The following SDC2 variants were observed in gnomAD, a reference collection of about 807,000 sequenced individuals.
The protein encoded by SDC2 is syndecan 2.
SDC2 carries 13 observed loss-of-function variants against 22.2 expected under a neutral mutation model. That is an observed-to-expected ratio of 0.59 (90% confidence interval 0.38 to 0.93). The LOEUF (loss-of-function observed/expected upper bound fraction) is 0.93, where lower values mean the gene tolerates loss of function less well. Ranked by LOEUF, SDC2 falls within the 40% of genes least tolerant of loss-of-function variation. The pLI, the probability that SDC2 is intolerant of heterozygous loss-of-function variation, is 0.00. For missense variants in SDC2, 235 were observed against 246.8 expected (o/e 0.95, Z 0.32); for synonymous variants, 94 against 92.8 (o/e 1.01, Z -0.07).
intron 1 of SDC2, among the ~76,000 whole-genome samples, chr8:96,519,777 G>T (rs999887493): frequency 1.3e-5 from 2 of 151,962 alleles, no homozygotes; most frequent in African/African-American, 2.4e-5. Flanking sequence ...GGGATTACAG[G>T]CGCGCACCTC....
chr8:96,592,460 G>C (rs1052724784), intron 1 of SDC2, among the ~76,000 whole-genome samples: 1 of 152,160 alleles, frequency 6.6e-6, no homozygotes, highest in Non-Finnish European at 1.5e-5. Flanking sequence ...AATGAGTGTT[G>C]CCTGTTTCCA....
chr8:96,591,525 AT>A (rs1471532130), intron 1 of SDC2, among the ~76,000 whole-genome samples: 2 of 152,198 alleles, frequency 1.3e-5, no homozygotes, highest in Non-Finnish European at 2.9e-5. Context: ...CATTCAAAAC[AT>A]GCCTTCAATG....
At chr8:96,559,227 G>A (rs1814169061) in intron 1 of SDC2, among the ~76,000 whole-genome samples, 1 of 152,302 alleles carries the variant, frequency 6.6e-6, no homozygotes, top group South Asian at 2.1e-4. Flanking sequence ...AGGCTTGAAT[G>A]TCCAAGGAGG....
intron 1 of SDC2, among the ~76,000 whole-genome samples, chr8:96,554,912 C>T (rs547327994): frequency 6.6e-6 from 1 of 152,288 alleles, no homozygotes; most frequent in Admixed American, 6.5e-5. Context: ...CTCCTCCCTC[C>T]AGGGGCCTTT....
chr8:96,585,636 C>T (rs1055546334), intron 1 of SDC2, among the ~76,000 whole-genome samples: 1 of 152,162 alleles, frequency 6.6e-6, no homozygotes, highest in Non-Finnish European at 1.5e-5. Flanking sequence ...TCTGGATCAT[C>T]ATATCTGAGA....
In SDC2 at chr8:96,518,858, A is replaced by G. The variant is rs180733667; in HGVS notation, c.60+24527A>G. On this transcript the variant is annotated intron_variant, in intron 1 of 4. Coordinates refer to ENST00000302190, the MANE Select transcript of SDC2 (RefSeq NM_002998.4). ...GTTTTAATCCGTTAAATTTTTTTGA[A>G]CTGACGTCTGGCACAGTCTTCAAGT... 3.3e-3 allele frequency among the ~76,000 whole-genome samples: 498 copies of G among 152,254 alleles called. 4 individuals carry two copies. Among genetic ancestry groups the G allele is most frequent in the Non-Finnish European group, 5.7e-3 (389 of 68,014 alleles).
intron 1 of SDC2, among the ~76,000 whole-genome samples, chr8:96,538,532 G>A (rs1335536595): frequency 1.3e-5 from 2 of 151,740 alleles, no homozygotes; most frequent in African/African-American, 4.8e-5. Context: ...TTTTTCCAGT[G>A]TTTCAAGGTC....
At chr8:96,510,113 A>G (rs2130438786) in intron 1 of SDC2, among the ~76,000 whole-genome samples, 1 of 152,306 alleles carries the variant, frequency 6.6e-6, no homozygotes, top group Non-Finnish European at 1.5e-5. Flanking sequence ...GTTACAGAAA[A>G]GCATGTTTGG....
chr8:96,564,171 T>C (rs1382333212), intron 1 of SDC2, among the ~76,000 whole-genome samples: 2 of 152,154 alleles, frequency 1.3e-5, no homozygotes, highest in African/African-American at 4.8e-5. Flanking sequence ...ATGGTTAAAT[T>C]TGGGAATTAA....
intron 3 of SDC2, among the ~76,000 whole-genome samples, chr8:96,603,569 T>A (rs1349921673): frequency 6.6e-6 from 1 of 152,206 alleles, no homozygotes; most frequent in Non-Finnish European, 1.5e-5. Flanking sequence ...GGCTGTTTGA[T>A]GAAGGTGGCG....
intron 1 of SDC2, among the ~76,000 whole-genome samples, chr8:96,511,558 A>G (rs1813328888): frequency 6.6e-6 from 1 of 152,224 alleles, no homozygotes; most frequent in Non-Finnish European, 1.5e-5. Flanking sequence ...GAGGTAGAAC[A>G]GCTGTTTTGG....
intron 1 of SDC2, among the ~76,000 whole-genome samples, chr8:96,551,145 T>C (rs749252543): frequency 7.9e-5 from 12 of 152,156 alleles, no homozygotes; most frequent in Non-Finnish European, 1.0e-4. Flanking sequence ...GGGGAGGATT[T>C]CTTTGACCCA....
rs1382501447 is a variant in SDC2 at position 96,576,377 on chromosome 8, TTG to T, written c.61-17101_61-17100del. ...CAATAATTGGTAGTTTGTTTTTGTT[TTG>T]TTTTGTTTTTTTTTACCAGATTTGC... is the stretch of plus-strand genomic sequence containing the variant. On this transcript the variant is annotated intron_variant, in intron 1 of 4. Transcript: ENST00000302190. 1.0e-3 allele frequency among the ~76,000 whole-genome samples: 69 copies of T among 65,792 alleles called. 6 individuals carry two copies. Among genetic ancestry groups the T allele is most frequent in the African/African-American group, 3.9e-3 (68 of 17,346 alleles). 43.2% of individuals were successfully genotyped at this position (65,792 alleles called of 152,430 possible). A position where few individuals can be genotyped will look rare whatever the true frequency, so the allele number is the denominator to read the frequency against.
chr8:96,580,030 G>C (rs966570769), intron 1 of SDC2, among the ~76,000 whole-genome samples: 1 of 152,178 alleles, frequency 6.6e-6, no homozygotes, highest in African/African-American at 2.4e-5. Flanking sequence ...CTTTTGTAAA[G>C]GATTTAAAAA....
At chr8:96,538,516 TA>T (rs1449971397) in intron 1 of SDC2, among the ~76,000 whole-genome samples, 2 of 96,854 alleles carry the variant, frequency 2.1e-5, no homozygotes, top group Non-Finnish European at 5.8e-5. Flanking sequence ...CATATAGAGG[TA>T]TTTTTTTTTC....
intron 1 of SDC2, among the ~76,000 whole-genome samples, chr8:96,548,028 G>C (rs1479072409): frequency 6.6e-6 from 1 of 152,182 alleles, no homozygotes; most frequent in Admixed American, 6.5e-5. Flanking sequence ...TTTCCAAAGT[G>C]CTGGGATTAC....
intron 2 of SDC2, among the ~76,000 whole-genome samples, chr8:96,601,244 G>A (rs1814977468): frequency 1.3e-5 from 2 of 152,174 alleles, no homozygotes; most frequent in Non-Finnish European, 2.9e-5. Flanking sequence ...TATTAATAGT[G>A]ATGACAGGGA....
intron 1 of SDC2, among the ~76,000 whole-genome samples, chr8:96,566,984 G>A (rs950182151): frequency 6.6e-6 from 1 of 152,158 alleles, no homozygotes; most frequent in Non-Finnish European, 1.5e-5. Flanking sequence ...CTCCCAGGTA[G>A]CTGGGATTAC....
At chr8:96,508,219 C>A (rs1345984907) in intron 1 of SDC2, among the ~76,000 whole-genome samples, 2 of 151,586 alleles carry the variant, frequency 1.3e-5, no homozygotes, top group East Asian at 3.9e-4. Flanking sequence ...TGGCATGAAC[C>A]CGGGAGGCGG....
Sources: allele counts gnomAD v4.1 joint callset (sites outside exome capture counted in the v4.1 genomes callset), GRCh38; gene constraint gnomAD v4.1.1; transcripts MANE v1.5; gene names NCBI Gene and HGNC (gene_info 2026-07-23, HGNC 2026-07-21).